SLC2A2: variants seen among roughly 807,000 people sequenced by gnomAD.
SLC2A2 encodes the protein solute carrier family 2, facilitated glucose transporter member 2.
In SLC2A2, 36 loss-of-function variants were observed where a neutral mutation model predicts 54.5. The ratio of observed to expected loss-of-function variants is 0.66; its 90% CI spans 0.51 to 0.87. The LOEUF (loss-of-function observed/expected upper bound fraction) is 0.87. SLC2A2 is among the 40% of genes least tolerant of loss of function. The pLI is 0.00. For missense variants in SLC2A2, 543 were observed against 624.3 expected, an observed-to-expected ratio of 0.87 and a Z score of 1.39; for synonymous variants, 223 against 219.1, an observed-to-expected ratio of 1.02 and a Z score of -0.16.
rs1364405103 is a variant in SLC2A2 at position 170,997,373 on chromosome 3, AG to A, written c.*529del. ...ATTCCACATGAAAATACAGAACAAA[AG>A]TAAAATTTTAAGCAAAATACAAATT... On this transcript the variant is annotated 3_prime_UTR_variant, in exon 11 of 11. Transcript: ENST00000314251. 3 of 155,402 alleles carry A rather than the reference AG, an allele frequency of 1.9e-5. No individual in the cohort carries two copies. The highest frequency in any genetic ancestry group is 4.3e-5 in the Non-Finnish European group (3 of 70,408). The allele number at this position is 155,402 out of a possible 1,614,324, so 9.6% of individuals were successfully genotyped here. A position where few individuals can be genotyped will look rare whatever the true frequency, so the allele number is the denominator to read the frequency against.
chr3:171,000,586 C>T (rs188742062), intron 8 of SLC2A2, among the ~76,000 whole-genome samples: 1 of 152,136 alleles, frequency 6.6e-6, no homozygotes, highest in East Asian at 1.9e-4. Flanking sequence ...TGGTAGTCAC[C>T]GCTTCTTTCT....
At chr3:171,024,562 A>C (rs560218529) in intron 1 of SLC2A2, among the ~76,000 whole-genome samples, 1 of 152,216 alleles carries the variant, frequency 6.6e-6, no homozygotes, top group Admixed American at 6.5e-5. Context: ...TCCAAAACCT[A>C]AACCAAAGGT....
intron 8 of SLC2A2, among the ~76,000 whole-genome samples, chr3:171,000,646 C>A (rs1291925110): frequency 6.7e-6 from 1 of 149,952 alleles, no homozygotes; most frequent in East Asian, 1.9e-4. Flanking sequence ...TGCTTTTTTT[C>A]TCTCAAGATT....
rs113952635 is a variant in SLC2A2, at chr3:170,999,267, A to G, written c.1069-101T>C. ...TGCCAAAGAGGTCATTTTAATTTAT[A>G]TAACAGATAAGAGGCAATTCCATCC... On this transcript the variant is annotated intron_variant, in intron 8 of 10. Coordinates refer to ENST00000314251, the MANE Select transcript of SLC2A2 (RefSeq NM_000340.2). 1.3e-3 allele frequency: 1,060 copies of G among 804,362 alleles called. 13 individuals are homozygous for G. The African/African-American group carries it at 0.015, about 11-fold the overall frequency. 49.8% of individuals were successfully genotyped at this position (804,362 alleles called of 1,614,324 possible).
intron 8 of SLC2A2, among the ~76,000 whole-genome samples, chr3:171,000,700 G>T (rs1350191423): frequency 6.6e-6 from 1 of 151,624 alleles, no homozygotes; most frequent in Non-Finnish European, 1.5e-5. Flanking sequence ...AGAAAATATA[G>T]GATGTGGAAC....
Position 170,999,116 on chromosome 3 carries a change from C to T in SLC2A2, c.1119G>A (p.Met373Ile). ...AGRRSLFLIGMSGMFVCAIFM... is the reference protein window; with the variant it reads ...AGRRSLFLIGISGMFVCAIFM... Reference sequence around the variant, plus strand: ...AGATGGCACAAACAAACATCCCACTCATTCCAATTAGAAAGAGAGAACGTC... The same window carrying T: ...AGATGGCACAAACAAACATCCCACTTATTCCAATTAGAAAGAGAGAACGTC... The change falls in exon 9 of 11, where the codon ATG (methionine) becomes ATA (isoleucine). Residue 373 changes from methionine to isoleucine, a missense_variant. Physicochemically the swap from Met to Ile is conservative, Grantham distance 10. Coordinates refer to ENST00000314251, the MANE Select transcript of SLC2A2 (RefSeq NM_000340.2). 1 of 1,613,184 alleles carries T rather than the reference C, an allele frequency of 6.2e-7. No homozygotes were observed. The highest frequency in any genetic ancestry group is 1.7e-4 in the Middle Eastern group (1 of 6,056).
intron 2 of SLC2A2, among the ~76,000 whole-genome samples, chr3:171,015,337 G>A (rs1716097244): frequency 6.6e-6 from 1 of 152,060 alleles, no homozygotes; most frequent in Admixed American, 6.6e-5. Context: ...AGGCATGGTG[G>A]CACATGCCTG....
chr3:171,014,750 T>C lies in SLC2A2; in HGVS notation c.109-19A>G, dbSNP rs182772346. 4.2e-5 allele frequency: 68 copies of C among 1,601,172 alleles called. No individual in the cohort carries two copies. The Admixed American group carries it at 9.0e-4, about 21-fold the overall frequency. On this transcript the variant is annotated intron_variant, in intron 2 of 10. Coordinates refer to ENST00000314251, the MANE Select transcript of SLC2A2 (RefSeq NM_000340.2). ...TTATTACCTAGGAGATAAAGAAAAA[T>C]AGCTTTACTATTTCAAACATTCTAT...
intron 7 of SLC2A2, among the ~76,000 whole-genome samples, chr3:171,003,600 C>T (rs748075680): frequency 4.6e-5 from 7 of 151,846 alleles, no homozygotes; most frequent in Non-Finnish European, 8.8e-5. Flanking sequence ...TGAAGCAAAA[C>T]GAAAGTTAAT....
intron 7 of SLC2A2, 127 bp downstream of exon 7, chr3:171,005,158 T>G (rs1715531831): frequency 1.2e-6 from 1 of 802,644 alleles, no homozygotes; most frequent in South Asian, 1.4e-5. Flanking sequence ...TCAATGTACG[T>G]TTGTTATAGC....
chr3:171,002,108 AG>A (rs1715363902), intron 8 of SLC2A2, among the ~76,000 whole-genome samples: 1 of 151,974 alleles, frequency 6.6e-6, no homozygotes, highest in African/African-American at 2.4e-5. Flanking sequence ...AATGTCTGTT[AG>A]AGAGGGCCTT....
intron 3 of SLC2A2, among the ~76,000 whole-genome samples, chr3:171,013,556 A>T (rs896505508): frequency 1.2e-4 from 19 of 152,116 alleles, no homozygotes; most frequent in Non-Finnish European, 1.3e-4. Flanking sequence ...ATAACCAGAG[A>T]GCTAAAAATT....
At chr3:171,006,781 A>G (rs1715624166) in intron 5 of SLC2A2, among the ~76,000 whole-genome samples, 1 of 152,062 alleles carries the variant, frequency 6.6e-6, no homozygotes, top group Non-Finnish European at 1.5e-5. Flanking sequence ...AAACCCAGGC[A>G]GTCAAACACG....
chr3:170,997,866 A>G lies in SLC2A2; in HGVS notation c.*37T>C. The G allele has an allele frequency of 6.6e-7, 1 of 1,522,354 alleles. No individual in the cohort carries two copies. The highest frequency in any genetic ancestry group is 9.1e-7 in the Non-Finnish European group (1 of 1,100,964). The allele number at this position is 1,522,354 out of a possible 1,614,324, so 94.3% of individuals were successfully genotyped here. On this transcript the variant is annotated 3_prime_UTR_variant, in exon 11 of 11. Transcript: ENST00000314251. ...TCATTTAAAAACAGACGGTTCCCTT[A>G]TTGTTTCTGTTCATGTCAAAAAGCA...
chr3:171,005,713 T>TG (rs1418777787), intron 6 of SLC2A2, among the ~76,000 whole-genome samples: 1 of 152,066 alleles, frequency 6.6e-6, no homozygotes, highest in Non-Finnish European at 1.5e-5. Flanking sequence ...AGCATAATGC[T>TG]GGAGGGATCT....
intron 6 of SLC2A2, 143 bp from the exon 7 acceptor site, chr3:171,005,615 A>G (rs1175812020): frequency 7.1e-6 from 5 of 700,800 alleles, no homozygotes; most frequent in Non-Finnish European, 1.2e-5. Context: ...TTTTTGTTAA[A>G]TTAGATCCTG....
At chr3:171,013,260 C>G (rs537683162) in intron 3 of SLC2A2, among the ~76,000 whole-genome samples, 3 of 152,052 alleles carry the variant, frequency 2.0e-5, no homozygotes, top group Non-Finnish European at 2.9e-5. Flanking sequence ...TCTCCATTTA[C>G]TACTTAAACC....
At chr3:171,020,416 C>G (rs548648725) in intron 1 of SLC2A2, among the ~76,000 whole-genome samples, 1 of 152,202 alleles carries the variant, frequency 6.6e-6, no homozygotes, top group South Asian at 2.1e-4. Flanking sequence ...GTTTACAAAG[C>G]TTCCACCCCT....
intron 8 of SLC2A2, among the ~76,000 whole-genome samples, chr3:171,002,154 A>G (rs1434701887): frequency 2.6e-5 from 4 of 151,992 alleles, no homozygotes; most frequent in African/African-American, 7.2e-5. Context: ...CCCAAGGCAC[A>G]TGGTAAAAAA....
Sources: gnomAD v4.1 joint callset for allele counts (sites outside exome capture counted in the v4.1 genomes callset) on GRCh38, gnomAD v4.1.1 for gene constraint, MANE v1.5 for transcripts, NCBI Gene and HGNC (gene_info 2026-07-23, HGNC 2026-07-21) for gene names.